The following ARHGEF3 variants were observed in gnomAD, a reference collection of about 807,000 sequenced individuals.
ARHGEF3 encodes Rho guanine nucleotide exchange factor 3.
ARHGEF3 carries 28 observed loss-of-function variants against 63.2 expected under a neutral mutation model. The ratio of observed to expected loss-of-function variants is 0.44; its 90% CI spans 0.33 to 0.61. The LOEUF is 0.61. Ranked by LOEUF, ARHGEF3 falls within the 20% of genes least tolerant of loss-of-function variation. The probability of loss-of-function intolerance (pLI) is 0.03; values close to 1 mark genes in which losing one functional copy is unlikely to be tolerated. For synonymous variants in ARHGEF3, 266 were observed against 254.2 expected (o/e 1.05, Z -0.44); for missense variants, 533 against 659.3 (o/e 0.81, Z 2.10).
At chr3:56,953,613 C>T (rs1402651054) in intron 3 of ARHGEF3, among the ~76,000 whole-genome samples, 3 of 152,158 alleles carry the variant, frequency 2.0e-5, no homozygotes, top group Non-Finnish European at 2.9e-5. Context: ...GGCATGTGAC[C>T]AAGGCCTGTC....
chr3:56,859,001 A>C (rs1311047120), intron 4 of ARHGEF3, among the ~76,000 whole-genome samples: 2 of 152,150 alleles, frequency 1.3e-5, no homozygotes, highest in Non-Finnish European at 2.9e-5. Context: ...AAAACAAAAA[A>C]ATGTAGGATT....
intron 4 of ARHGEF3, among the ~76,000 whole-genome samples, chr3:56,837,827 A>T (rs2039168287): frequency 6.6e-6 from 1 of 152,204 alleles, no homozygotes; most frequent in Non-Finnish European, 1.5e-5. Flanking sequence ...TTCCTGTGCC[A>T]TCATGTGCAC....
At chr3:56,977,025 G>A (rs1476138736) in intron 2 of ARHGEF3, among the ~76,000 whole-genome samples, 1 of 152,080 alleles carries the variant, frequency 6.6e-6, no homozygotes, top group African/African-American at 2.4e-5. Flanking sequence ...TTTTTATGAG[G>A]ATTAACTCAT....
At chr3:56,778,418 G>C (rs1316864609) in intron 1 of ARHGEF3, among the ~76,000 whole-genome samples, 1 of 152,224 alleles carries the variant, frequency 6.6e-6, no homozygotes. Flanking sequence ...CCCAGCCTCT[G>C]TCATGACTAC....
At chr3:56,989,030 C>A (rs1328502051) in intron 2 of ARHGEF3, among the ~76,000 whole-genome samples, 1 of 152,142 alleles carries the variant, frequency 6.6e-6, no homozygotes, top group African/African-American at 2.4e-5. Flanking sequence ...CCTGCAGCCA[C>A]TGAACGTTTC....
At chr3:57,064,868 A>C (rs1327285614) in intron 1 of ARHGEF3, among the ~76,000 whole-genome samples, 1 of 152,250 alleles carries the variant, frequency 6.6e-6, no homozygotes, top group Non-Finnish European at 1.5e-5. Flanking sequence ...TTGCACAATA[A>C]TATCAGTATA....
At chr3:56,902,980 A>G (rs1458938404) in intron 3 of ARHGEF3, among the ~76,000 whole-genome samples, 1 of 152,164 alleles carries the variant, frequency 6.6e-6, no homozygotes. Context: ...TTCTGTCTAA[A>G]ATAAAGAACA....
rs532097300 is a variant in ARHGEF3 at position 56,958,319 on chromosome 3, A to ATT, written c.129+502_129+503dup. 2.2e-3 allele frequency among the ~76,000 whole-genome samples: 288 copies of ATT among 133,270 alleles called. 1 individual carries two copies. The highest frequency in any genetic ancestry group is 7.6e-3 in the African/African-American group (272 of 35,664). 87.4% of individuals were successfully genotyped at this position (133,270 alleles called of 152,430 possible). On this transcript the variant is annotated intron_variant, in intron 3 of 12. Transcript: ENST00000338458. ...AGCAGAAGCTTACTGGGCCACTTGA[A>ATT]TTTTTTTTTTTTTTTTTTTTTTAAT...
intron 1 of ARHGEF3, chr3:57,074,316 G>C: frequency 6.5e-7 from 1 of 1,539,212 alleles, no homozygotes; most frequent in South Asian, 1.2e-5. Flanking sequence ...GTTTGTCTGG[G>C]CCTTTGCACA....
At chr3:56,746,828 A>G (rs1250833918) in intron 6 of ARHGEF3, among the ~76,000 whole-genome samples, 1 of 152,158 alleles carries the variant, frequency 6.6e-6, no homozygotes. Flanking sequence ...TATTGAAATT[A>G]TTTCCTCAGT....
chr3:57,075,497 T>C (rs560337615), intron 1 of ARHGEF3: 1 of 143,694 alleles, frequency 7.0e-6, no homozygotes, highest in Admixed American at 7.6e-5. Context: ...CCTCTTTTTT[T>C]TTCTTCTTTT....
chr3:57,011,232 G>T (rs1411597322), intron 2 of ARHGEF3, among the ~76,000 whole-genome samples: 5 of 152,126 alleles, frequency 3.3e-5, no homozygotes, highest in Admixed American at 1.3e-4. Context: ...AAGTTAAACC[G>T]CCTGGAACTT....
At position 56,834,371 on chromosome 3, in the gene ARHGEF3, T is replaced by C. The variant is rs558837250; in HGVS notation, c.192+47921A>G. Among the ~76,000 whole-genome samples, 5 of 152,302 alleles carry C rather than the reference T, an allele frequency of 3.3e-5. No homozygotes were observed. In the East Asian group the frequency reaches 7.7e-4, roughly 24 times the overall value. ...TTATTGTAAAAGATGAGGTTCATAG[T>C]AAGAAAAACTAGAAGCATACTATAT... On this transcript the variant is annotated intron_variant, in intron 4 of 12. Coordinates refer to the ARHGEF3 transcript ENST00000338458.
At chr3:56,770,687 GT>G (rs1319069159) in intron 2 of ARHGEF3, among the ~76,000 whole-genome samples, 2 of 152,004 alleles carry the variant, frequency 1.3e-5, no homozygotes, top group East Asian at 3.9e-4. Context: ...TCCATTCACT[GT>G]CCCCCCAAGG....
intron 1 of ARHGEF3, among the ~76,000 whole-genome samples, chr3:57,052,342 G>T (rs1025562413): frequency 4.6e-5 from 7 of 151,786 alleles, no homozygotes; most frequent in African/African-American, 1.7e-4. Context: ...TGTCACCCAG[G>T]CTGGAGTGCA....
rs933170171 is a variant in ARHGEF3, at chr3:56,732,480, T to C, written c.1042-56A>G. ...AAGCAATAATGTAATGAGTGGTTGA[T>C]ATGTGGACCTCTGTGGATAAAGAGG... On this transcript the variant is annotated intron_variant, in intron 8 of 9. Transcript: ENST00000296315. 45 of 1,588,358 alleles carry C rather than the reference T, an allele frequency of 2.8e-5. No individual in the cohort carries two copies. The Admixed American group carries it at 7.2e-4, about 25-fold the overall frequency.
intron 1 of ARHGEF3, among the ~76,000 whole-genome samples, chr3:56,784,455 TAGAAAA>T (rs1407186144): frequency 7.9e-5 from 12 of 152,064 alleles, no homozygotes; most frequent in Admixed American, 5.9e-4. Context: ...CACCCAGAGG[TAGAAAA>T]GATCTCCTGG....
intron 3 of ARHGEF3, among the ~76,000 whole-genome samples, chr3:56,943,689 C>T (rs745635958): frequency 2.0e-5 from 3 of 152,046 alleles, no homozygotes; most frequent in African/African-American, 4.8e-5. Flanking sequence ...ACAAGGCAGG[C>T]GAATCACTTG....
intron 3 of ARHGEF3, among the ~76,000 whole-genome samples, chr3:56,927,885 C>A (rs1204996138): frequency 6.6e-6 from 1 of 152,180 alleles, no homozygotes; most frequent in Non-Finnish European, 1.5e-5. Context: ...TTTGTTTTTA[C>A]ATAAATATTT....
Sources: allele counts gnomAD v4.1 joint callset (sites outside exome capture counted in the v4.1 genomes callset), GRCh38; gene constraint gnomAD v4.1.1; transcripts MANE v1.5; gene names NCBI Gene and HGNC (gene_info 2026-07-23, HGNC 2026-07-21).